EHMT1: variants seen among roughly 807,000 people sequenced by gnomAD.
EHMT1 encodes the protein euchromatic histone lysine methyltransferase 1, also known as histone-lysine N-methyltransferase EHMT1.
Under a neutral mutation model 147.2 loss-of-function variants are expected in EHMT1, and 15 were observed. The observed-to-expected ratio is 0.10, with a 90% CI of 0.07 to 0.16. The LOEUF (loss-of-function observed/expected upper bound fraction) is 0.16. EHMT1 is among the 10% of genes least tolerant of loss of function. The pLI, the probability that EHMT1 is intolerant of heterozygous loss-of-function variation, is 1.00. For missense variants in EHMT1, 1,587 were observed against 1,772.4 expected (o/e 0.90, Z 1.88); for synonymous variants, 795 against 709.6 (o/e 1.12, Z -1.91).
chr9:137,687,138 G>C (rs1942525185), intron 1 of EHMT1, among the ~76,000 whole-genome samples: 1 of 152,174 alleles, frequency 6.6e-6, no homozygotes, highest in African/African-American at 2.4e-5. Flanking sequence ...ATACTGTAAA[G>C]GTATGGGCTT....
chr9:137,716,949 T>G lies in EHMT1; in HGVS notation c.409T>G (p.Leu137Val). 1.9e-6 allele frequency: 3 copies of G among 1,612,898 alleles called. No individual in the cohort carries two copies. The highest frequency in any genetic ancestry group is 2.5e-6 in the Non-Finnish European group (3 of 1,179,816). ...TAAGCCGGCCCTACAGGCACAGCCC[T>G]TGAGGACTACCAGCACTCTGGCCTC... ...LNKPALQAQPLRTTSTLASSL... is the reference protein window; with the variant it reads ...LNKPALQAQPVRTTSTLASSL... Residue 137 changes from leucine (L) to valine (V), a missense_variant, in exon 3 of 27, where the codon TTG (leucine) becomes GTG (valine). By Grantham distance (32) the Leu-to-Val change is conservative. This residue lies in a region of EHMT1 where 810 missense variants were observed against 673.0 expected (regional missense o/e 1.20). Coordinates refer to ENST00000460843, the MANE Select transcript of EHMT1 (RefSeq NM_024757.5).
rs1955933042 is a variant in EHMT1 at position 137,828,024 on chromosome 9, CAG to C, written c.3541-6324_3541-6323del. ...TGAAGGGGCTCCTTGTGCCAGCCGA[CAG>C]GGTGCGACGGGGTGGTCGGCCCGGC... is the stretch of plus-strand genomic sequence containing the variant. On this transcript the variant is annotated intron_variant, in intron 25 of 26. Transcript: ENST00000460843. The surrounding 1 kb of genome is among the most constrained non-coding windows in gnomAD (Gnocchi z 5.3). 1.3e-5 allele frequency among the ~76,000 whole-genome samples: 2 copies of C among 152,196 alleles called. No individual in the cohort carries two copies. The highest frequency in any genetic ancestry group is 6.5e-5 in the Admixed American group (1 of 15,286).
At chr9:137,619,254 G>C (rs1315791920) in intron 1 of EHMT1, among the ~76,000 whole-genome samples, 2 of 142,430 alleles carry the variant, frequency 1.4e-5, no homozygotes, top group Non-Finnish European at 3.1e-5. Context: ...CGCTCCCGCC[G>C]GGCGCGCTTT....
chr9:137,752,815 C>A (rs908349813), intron 7 of EHMT1, among the ~76,000 whole-genome samples: 1 of 136,306 alleles, frequency 7.3e-6, no homozygotes. Flanking sequence ...GAGGGTGTGG[C>A]GGGAGCCGGC....
At chr9:137,805,821 C>A (rs1953901008) in intron 18 of EHMT1, among the ~76,000 whole-genome samples, 1 of 152,026 alleles carries the variant, frequency 6.6e-6, no homozygotes, top group Non-Finnish European at 1.5e-5. Flanking sequence ...AGCCACCACG[C>A]CTGGCTAATT....
intron 1 of EHMT1, among the ~76,000 whole-genome samples, chr9:137,703,475 A>C (rs1206480117): frequency 6.6e-6 from 1 of 152,210 alleles, no homozygotes; most frequent in Non-Finnish European, 1.5e-5. Context: ...GCCAGGCCAC[A>C]TCTTGACTGC....
intron 1 of EHMT1, among the ~76,000 whole-genome samples, chr9:137,682,766 C>G (rs1411028116): frequency 6.6e-6 from 1 of 152,190 alleles, no homozygotes; most frequent in Non-Finnish European, 1.5e-5. Context: ...CTGTTAGTCT[C>G]AGTGCTGCAC....
At chr9:137,691,698 C>A (rs1268805562) in intron 1 of EHMT1, among the ~76,000 whole-genome samples, 1 of 152,128 alleles carries the variant, frequency 6.6e-6, no homozygotes, top group African/African-American at 2.4e-5. Flanking sequence ...CCATAGCAAC[C>A]GCACCATTTT....
Position 137,761,737 on chromosome 9 carries a change from G to A in EHMT1, c.1502-938G>A, listed in dbSNP as rs140825805. On this transcript the variant is annotated intron_variant, in intron 9 of 26. Transcript: ENST00000460843. ...CTCCCAAAGTGCTGGGATTACAGGC[G>A]TGAGCCACCGCGCCCAGCCAAGAGT... 0.025 allele frequency among the ~76,000 whole-genome samples: 3,857 copies of A among 152,300 alleles called. 607 individuals carry two copies. In the East Asian group the frequency reaches 0.47, roughly 19 times the overall value.
chr9:137,762,965 G>A, intron 10 of EHMT1, 145 bp downstream of exon 10: 1 of 1,026,816 alleles, frequency 9.7e-7, no homozygotes, highest in Non-Finnish European at 1.5e-6. Flanking sequence ...AACCAATCGA[G>A]CAGATCCCAA....
intron 1 of EHMT1, among the ~76,000 whole-genome samples, chr9:137,643,091 C>T (rs1355606779): frequency 6.6e-6 from 1 of 152,000 alleles, no homozygotes; most frequent in Non-Finnish European, 1.5e-5. Flanking sequence ...CTGTGTTGCC[C>T]AGGCTGGTCT....
In EHMT1 at chr9:137,703,167, C is replaced by T. The variant is rs138168023; in HGVS notation, c.22-7800C>T. Among the ~76,000 whole-genome samples, 1,000 of 152,300 alleles carry T rather than the reference C, an allele frequency of 6.6e-3. 14 individuals carry two copies. Among genetic ancestry groups the T allele is most frequent in the African/African-American group, 0.023 (944 of 41,550 alleles). Reference sequence around the variant, plus strand: ...CTGAGGTTGCACAGAGCAGCAAGGCCCTGGGTCTGGCCCACAAAACCATTC... The same window carrying T: ...CTGAGGTTGCACAGAGCAGCAAGGCTCTGGGTCTGGCCCACAAAACCATTC... On this transcript the variant is annotated intron_variant, in intron 1 of 26. Transcript: ENST00000460843.
intron 1 of EHMT1, among the ~76,000 whole-genome samples, chr9:137,679,950 A>G (rs1392984375): frequency 2.0e-5 from 3 of 152,122 alleles, no homozygotes; most frequent in African/African-American, 4.8e-5. Context: ...TGCAATGCTG[A>G]TGGCCTTCTC....
rs1955975803 is a variant in EHMT1 at position 137,828,542 on chromosome 9, G to A, written c.3541-5807G>A. The stretch of plus-strand genomic sequence containing the variant: ...CTCCTGGGGTCAGACTGAGAAAGGG[G>A]CTCGTCCTGAGAAGCCACAAAGTGT... On this transcript the variant is annotated intron_variant, in intron 25 of 26. Transcript: ENST00000460843. The surrounding 1 kb of genome is among the most constrained non-coding windows in gnomAD (Gnocchi z 5.3). Among the ~76,000 whole-genome samples, 1 of 151,646 alleles carries A rather than the reference G, an allele frequency of 6.6e-6. No homozygotes were observed.
At chr9:137,803,659 A>G (rs1334143818) in intron 18 of EHMT1, among the ~76,000 whole-genome samples, 1 of 151,986 alleles carries the variant, frequency 6.6e-6, no homozygotes, top group Non-Finnish European at 1.5e-5. Context: ...AATGGTTAGA[A>G]CATATGACAG....
chr9:137,742,652 T>A (rs1588474941), intron 4 of EHMT1, among the ~76,000 whole-genome samples: 1 of 152,272 alleles, frequency 6.6e-6, no homozygotes, highest in Non-Finnish European at 1.5e-5. Context: ...TCGCTGCTGC[T>A]CTTGTTTGGA....
intron 18 of EHMT1, among the ~76,000 whole-genome samples, chr9:137,805,045 G>T (rs771721181): frequency 5.3e-5 from 8 of 150,680 alleles, no homozygotes; most frequent in Non-Finnish European, 1.0e-4. Flanking sequence ...TCTGTCAGTC[G>T]TCCACATGTG....
chr9:137,704,995 C>G (rs1368180968), intron 1 of EHMT1, among the ~76,000 whole-genome samples: 1 of 119,184 alleles, frequency 8.4e-6, no homozygotes, highest in Non-Finnish European at 1.7e-5. Flanking sequence ...TTTCCATTTT[C>G]TTTTCTTCTT....
chr9:137,668,655 T>G (rs948366974), intron 1 of EHMT1, among the ~76,000 whole-genome samples: 1 of 152,086 alleles, frequency 6.6e-6, no homozygotes, highest in Non-Finnish European at 1.5e-5. Flanking sequence ...CAACCACTCA[T>G]CTGCTTTCCT....
Sources: gnomAD v4.1 joint callset for allele counts (sites outside exome capture counted in the v4.1 genomes callset) on GRCh38, gnomAD v4.1.1 for gene constraint, gnomAD v4.1.1 regional missense constraint, Gnocchi (gnomAD v3.1) non-coding constraint, MANE v1.5 for transcripts, NCBI Gene and HGNC (gene_info 2026-07-23, HGNC 2026-07-21) for gene names.